The following IMMP2L variants were observed in gnomAD, a reference collection of about 807,000 sequenced individuals.
IMMP2L encodes the protein inner mitochondrial membrane peptidase subunit 2, also known as mitochondrial inner membrane protease subunit 2.
In IMMP2L, 18 loss-of-function variants were observed where a neutral mutation model predicts 19.3. The ratio of observed to expected loss-of-function variants is 0.93; its 90% CI spans 0.64 to 1.38. IMMP2L has a LOEUF of 1.38. IMMP2L is among the 40% of genes most tolerant of loss of function. The pLI, the probability that IMMP2L is intolerant of heterozygous loss-of-function variation, is 0.00. For missense variants in IMMP2L, 233 were observed against 218.2 expected (o/e 1.07, Z -0.43); for synonymous variants, 76 against 73.0 (o/e 1.04, Z -0.21).
chr7:110,977,148 A>G (rs1820779849), intron 3 of IMMP2L, among the ~76,000 whole-genome samples: 1 of 151,986 alleles, frequency 6.6e-6, no homozygotes. Context: ...TCATTAATTC[A>G]TTCAGCAAAT....
chr7:111,517,776 C>T (rs1459615551), intron 2 of IMMP2L, among the ~76,000 whole-genome samples: 2 of 151,998 alleles, frequency 1.3e-5, no homozygotes, highest in Non-Finnish European at 1.5e-5. Flanking sequence ...TAATGTGGTG[C>T]TTCTTTTTTA....
At chr7:111,450,197 T>C (rs1257709234) in intron 3 of IMMP2L, among the ~76,000 whole-genome samples, 1 of 150,734 alleles carries the variant, frequency 6.6e-6, no homozygotes, top group Non-Finnish European at 1.5e-5. Flanking sequence ...CTTCACAGAA[T>C]TGGAAAAAAC....
intron 4 of IMMP2L, among the ~76,000 whole-genome samples, chr7:110,926,887 T>A (rs1814914466): frequency 6.6e-6 from 1 of 152,174 alleles, no homozygotes; most frequent in Admixed American, 6.6e-5. Context: ...CAAGAAAAGC[T>A]GTTCAGGGGA....
At chr7:111,527,122 T>G (rs1846943573) in intron 1 of IMMP2L, among the ~76,000 whole-genome samples, 1 of 152,056 alleles carries the variant, frequency 6.6e-6, no homozygotes, top group African/African-American at 2.4e-5. Flanking sequence ...GTTCCATGAC[T>G]TTGAACAAGT....
chr7:111,516,929 C>T (rs1199475420), intron 2 of IMMP2L, among the ~76,000 whole-genome samples: 1 of 151,882 alleles, frequency 6.6e-6, no homozygotes, highest in African/African-American at 2.4e-5. Flanking sequence ...CAGCTTGTGC[C>T]CAGTATCTTG....
chr7:110,944,328 A>G (rs146508785), intron 4 of IMMP2L, among the ~76,000 whole-genome samples: 151 of 152,150 alleles, frequency 9.9e-4, no homozygotes, highest in African/African-American at 3.4e-3. Flanking sequence ...GTAAGGATAC[A>G]GGATGTTCTT....
At chr7:111,497,134 A>G (rs1843670252) in intron 2 of IMMP2L, among the ~76,000 whole-genome samples, 5 of 152,152 alleles carry the variant, frequency 3.3e-5, no homozygotes, top group Admixed American at 3.3e-4. Flanking sequence ...CTACTATAGA[A>G]CGCCCCATCA....
At chr7:110,784,926 A>G (rs1799968954) in intron 5 of IMMP2L, among the ~76,000 whole-genome samples, 1 of 152,000 alleles carries the variant, frequency 6.6e-6, no homozygotes, top group Non-Finnish European at 1.5e-5. Context: ...ATTTAAAATT[A>G]TAATTCCATG....
In IMMP2L at chr7:110,727,927, G is replaced by A. The variant is rs1796006943; in HGVS notation, c.409-64206C>T. On this transcript the variant is annotated intron_variant, in intron 5 of 5. Coordinates refer to ENST00000405709, the MANE Select transcript of IMMP2L (RefSeq NM_032549.4). The surrounding 1 kb of genome is among the most constrained non-coding windows in gnomAD (Gnocchi z 4.3). ...AACATAACAGCTACATACCTAACAA[G>A]CTCTGCATTGCATACCCACACACAT... 2.0e-5 allele frequency among the ~76,000 whole-genome samples: 3 copies of A among 152,098 alleles called. No homozygotes were observed. Among genetic ancestry groups the A allele is most frequent in the South Asian group, 4.2e-4 (2 of 4,816 alleles).
At chr7:111,367,666 A>C (rs1372767325) in intron 3 of IMMP2L, among the ~76,000 whole-genome samples, 1 of 151,896 alleles carries the variant, frequency 6.6e-6, no homozygotes, top group East Asian at 1.9e-4. Flanking sequence ...TCGCATGGGG[A>C]AAAAACAGAA....
intron 1 of IMMP2L, among the ~76,000 whole-genome samples, chr7:111,522,855 T>C (rs1185796879): frequency 6.6e-6 from 1 of 150,936 alleles, no homozygotes; most frequent in Non-Finnish European, 1.5e-5. Context: ...ACAGCACTAT[T>C]CACAATAGCC....
In IMMP2L at chr7:110,670,701, A is replaced by AC. The variant is rs1240552309; in HGVS notation, c.409-6981_409-6980insG. Among the ~76,000 whole-genome samples, 51 of 151,362 alleles carry AC rather than the reference A, an allele frequency of 3.4e-4. 1 individual carries two copies. Among genetic ancestry groups the AC allele is most frequent in the South Asian group, 2.1e-3 (10 of 4,720 alleles). ...CAAGACTCCGTCTCAAAAAAAAAAA[A>AC]AAACAAAAAAAACAAAAAAAACCCC... On this transcript the variant is annotated intron_variant, in intron 5 of 5. Coordinates refer to ENST00000405709, the MANE Select transcript of IMMP2L (RefSeq NM_032549.4).
chr7:110,960,426 C>T (rs1045234810), intron 4 of IMMP2L, among the ~76,000 whole-genome samples: 4 of 151,894 alleles, frequency 2.6e-5, no homozygotes, highest in Non-Finnish European at 4.4e-5. Flanking sequence ...TTCACCTATT[C>T]TGGACCTTTC....
intron 5 of IMMP2L, among the ~76,000 whole-genome samples, chr7:110,734,642 G>C (rs1015272004): frequency 1.3e-5 from 2 of 152,108 alleles, no homozygotes; most frequent in African/African-American, 4.8e-5. Context: ...AGAAAATCAG[G>C]ATGGATAAAA....
chr7:111,463,524 G>T (rs1840332266), intron 3 of IMMP2L, among the ~76,000 whole-genome samples: 1 of 152,078 alleles, frequency 6.6e-6, no homozygotes, highest in Non-Finnish European at 1.5e-5. Context: ...GAGGGTATTT[G>T]TTGCCACTCC....
chr7:111,538,951 C>G (rs1367872261), intron 1 of IMMP2L, among the ~76,000 whole-genome samples: 1 of 149,974 alleles, frequency 6.7e-6, no homozygotes, highest in Non-Finnish European at 1.5e-5. Flanking sequence ...GAAACCCCGT[C>G]TCTACTAAAA....
At chr7:111,099,539 T>C (rs1293622548) in intron 3 of IMMP2L, among the ~76,000 whole-genome samples, 1 of 151,660 alleles carries the variant, frequency 6.6e-6, no homozygotes, top group Non-Finnish European at 1.5e-5. Context: ...CTATGTCACC[T>C]CCTGAAAGGG....
At chr7:111,320,083 A>G (rs1022670680) in intron 3 of IMMP2L, among the ~76,000 whole-genome samples, 1 of 152,016 alleles carries the variant, frequency 6.6e-6, no homozygotes, top group Non-Finnish European at 1.5e-5. Context: ...ACAGAAAGAG[A>G]GGAAAAGTCA....
At chr7:110,692,093 C>A (rs562026892) in intron 5 of IMMP2L, among the ~76,000 whole-genome samples, 1 of 151,894 alleles carries the variant, frequency 6.6e-6, no homozygotes, top group African/African-American at 2.4e-5. Flanking sequence ...AAAGAAAATG[C>A]GGTGTGTGTA....
Sources: allele counts gnomAD v4.1 joint callset (sites outside exome capture counted in the v4.1 genomes callset), GRCh38; gene constraint gnomAD v4.1.1; non-coding constraint Gnocchi (gnomAD v3.1); transcripts MANE v1.5; gene names NCBI Gene and HGNC (gene_info 2026-07-23, HGNC 2026-07-21).